The following ATP6V0A4 variants were observed in gnomAD, a reference collection of about 807,000 sequenced individuals.
ATP6V0A4 encodes V-type proton ATPase 116 kDa subunit a 4.
A neutral mutation model predicts 107.3 loss-of-function variants in ATP6V0A4; 86 were observed. That is an observed-to-expected ratio of 0.80 (90% CI 0.67 to 0.96). ATP6V0A4 has a LOEUF of 0.96. ATP6V0A4 is among the 40% of genes least tolerant of loss of function. ATP6V0A4 has a pLI of 0.00. For synonymous variants in ATP6V0A4, 353 were observed against 381.4 expected, an observed-to-expected ratio of 0.93 and a Z score of 0.87; for missense variants, 908 against 1,045.6, an observed-to-expected ratio of 0.87 and a Z score of 1.81.
At chr7:138,780,916 A>AT (rs955648283) in intron 2 of ATP6V0A4, among the ~76,000 whole-genome samples, 2 of 152,142 alleles carry the variant, frequency 1.3e-5, no homozygotes, top group African/African-American at 4.8e-5. Context: ...AAAAGAAAAA[A>AT]TAAAAAAAAA....
intron 7 of ATP6V0A4, 118 bp from the exon 8 acceptor site, chr7:138,759,996 A>C: frequency 6.4e-7 from 1 of 1,557,484 alleles, no homozygotes. Context: ...TGTGAGCAGG[A>C]GGGACCCCGA....
intron 20 of ATP6V0A4, among the ~76,000 whole-genome samples, chr7:138,715,048 G>A (rs932607464): frequency 2.0e-5 from 3 of 152,258 alleles, no homozygotes; most frequent in African/African-American, 7.2e-5. Flanking sequence ...AAGAGGAGCC[G>A]CAAGCCACAG....
chr7:138,776,778 C>G (rs1807677372), intron 2 of ATP6V0A4, among the ~76,000 whole-genome samples: 1 of 152,342 alleles, frequency 6.6e-6, no homozygotes, highest in East Asian at 1.9e-4. Flanking sequence ...ATTTACCATG[C>G]GTGACCTTGG....
chr7:138,756,407 A>G (rs540682185), intron 9 of ATP6V0A4, 51 bp downstream of exon 9: 1 of 1,611,904 alleles, frequency 6.2e-7, no homozygotes, highest in Non-Finnish European at 8.5e-7. Context: ...ACATCTCTTT[A>G]TCTAATCCTG....
chr7:138,785,513 GC>G (rs1200014568), intron 2 of ATP6V0A4, among the ~76,000 whole-genome samples: 2 of 151,926 alleles, frequency 1.3e-5, no homozygotes, highest in South Asian at 4.2e-4. Context: ...CTGACCTCAA[GC>G]AATCCACCTG....
intron 10 of ATP6V0A4, among the ~76,000 whole-genome samples, chr7:138,753,567 A>G (rs575174491): frequency 1.8e-4 from 27 of 152,356 alleles, no homozygotes; most frequent in Admixed American, 5.9e-4. Context: ...GAATGAATGA[A>G]GGAATGAATG....
At chr7:138,794,115 G>A (rs1042813902) in intron 1 of ATP6V0A4, among the ~76,000 whole-genome samples, 3 of 152,078 alleles carry the variant, frequency 2.0e-5, no homozygotes, top group African/African-American at 4.8e-5. Context: ...TGCTGCTCAG[G>A]TCCACATCTA....
rs1229114158 is a variant in ATP6V0A4, at chr7:138,759,842, A to G, written c.549T>C (p.Ala183=). The change falls in exon 8 of 22, where the codon GCT becomes GCC. Residue 183 remains alanine, a synonymous_variant. Coordinates refer to ENST00000310018, the MANE Select transcript of ATP6V0A4 (RefSeq NM_020632.3). ...IAGVINRERM[A]SFERLLWRIC... is the part of the protein sequence containing the mutation. Reference sequence around the variant, plus strand: ...TTCGCCACAGTAACCGCTCAAAGGAAGCCATCCTCTCCCTGTTGATCACAC... The same window carrying G: ...TTCGCCACAGTAACCGCTCAAAGGAGGCCATCCTCTCCCTGTTGATCACAC... 6.2e-6 allele frequency: 10 copies of G among 1,614,018 alleles called. No individual in the cohort carries two copies. In the East Asian group the frequency reaches 2.2e-4, roughly 36 times the overall value.
At position 138,747,416 on chromosome 7, in the gene ATP6V0A4, G is replaced by A; in HGVS notation, c.1320+9C>T. 1 of 1,613,810 alleles carries A rather than the reference G, an allele frequency of 6.2e-7. No individual in the cohort carries two copies. Among genetic ancestry groups the A allele is most frequent in the Non-Finnish European group, 8.5e-7 (1 of 1,179,778 alleles). ...ATGAATCAGGGCAAGACGGTCAATG[G>A]ACACTCACCTCATTGTCTGTCTTCT... On this transcript the variant is annotated intron_variant, in intron 13 of 21. Coordinates refer to ENST00000310018, the MANE Select transcript of ATP6V0A4 (RefSeq NM_020632.3).
rs2117343397 is a variant in ATP6V0A4, at chr7:138,773,412, C to T, written c.-17-2148G>A. On this transcript the variant is annotated intron_variant, in intron 2 of 21. Transcript: ENST00000310018. The surrounding 1 kb of genome is among the most constrained non-coding windows in gnomAD (Gnocchi z 5.4). ...AGGATCTTCTTCCTCCACAAGCCTT[C>T]CCTGACACCTCCAGCTCCCTCAAGG... Among the ~76,000 whole-genome samples, 1 of 152,314 alleles carries T rather than the reference C, an allele frequency of 6.6e-6. No homozygotes were observed. Among genetic ancestry groups the T allele is most frequent in the Non-Finnish European group, 1.5e-5 (1 of 68,030 alleles).
rs6467797 is a variant in ATP6V0A4 at position 138,745,106 on chromosome 7, T to C, written c.1478+17A>G. ...CTGGATGGCCAGCGACTACACCATC[T>C]CTGTCTGTCAACTCACTTCCATGTG... On this transcript the variant is annotated intron_variant, in intron 14 of 21. Transcript: ENST00000310018. 295,527 of 1,603,716 alleles carry C rather than the reference T, an allele frequency of 0.18. 31,139 individuals are homozygous for C. The highest frequency in any genetic ancestry group is 0.46 in the African/African-American group (34,403 of 74,686).
intron 20 of ATP6V0A4, among the ~76,000 whole-genome samples, chr7:138,715,372 TG>T (rs759905489): frequency 2.9e-4 from 44 of 152,190 alleles, no homozygotes; most frequent in Admixed American, 1.9e-3. Flanking sequence ...AGCTAATTTT[TG>T]TATTTTCAGT....
At chr7:138,775,714 G>A (rs937893163) in intron 2 of ATP6V0A4, among the ~76,000 whole-genome samples, 2 of 145,190 alleles carry the variant, frequency 1.4e-5, no homozygotes, top group East Asian at 4.1e-4. Context: ...GCAGTGGCGC[G>A]ATCTCGGCTC....
chr7:138,797,416 C>G (rs1214154501), intron 1 of ATP6V0A4, among the ~76,000 whole-genome samples: 4 of 151,842 alleles, frequency 2.6e-5, no homozygotes, highest in African/African-American at 9.7e-5. Context: ...TGGGGTTTCA[C>G]CATTTTGGCC....
chr7:138,755,640 A>G (rs1806472886), intron 10 of ATP6V0A4, 49 bp downstream of exon 10: 1 of 1,610,234 alleles, frequency 6.2e-7, no homozygotes, highest in Non-Finnish European at 8.5e-7. Context: ...CAGCAGAGGC[A>G]GCCCTCCTGC....
At chr7:138,765,746 T>TTGTTTG in intron 5 of ATP6V0A4, among the ~76,000 whole-genome samples, 1 of 149,314 alleles carries the variant, frequency 6.7e-6, no homozygotes, top group Middle Eastern at 3.4e-3. Flanking sequence ...GTTTTTGTTT[T>TTGTTTG]TGTTTTTGTT....
chr7:138,779,846 T>A (rs1807840338), intron 2 of ATP6V0A4, among the ~76,000 whole-genome samples: 1 of 152,202 alleles, frequency 6.6e-6, no homozygotes, highest in Non-Finnish European at 1.5e-5. Context: ...TTGCTTAATA[T>A]GAGTATATAT....
At chr7:138,726,093 C>T (rs979663131) in intron 18 of ATP6V0A4, among the ~76,000 whole-genome samples, 6 of 151,812 alleles carry the variant, frequency 4.0e-5, no homozygotes, top group African/African-American at 1.5e-4. Flanking sequence ...GGGCTCAGGC[C>T]ATTCTCCTGC....
At chr7:138,762,470 T>C (rs1455764192) in intron 6 of ATP6V0A4, 36 bp from the exon 7 acceptor site, 2 of 1,612,674 alleles carry the variant, frequency 1.2e-6, no homozygotes, top group African/African-American at 2.7e-5. Context: ...CATTTAAATA[T>C]ATTTAGGGAA....
Sources: allele counts gnomAD v4.1 joint callset (sites outside exome capture counted in the v4.1 genomes callset), GRCh38; gene constraint gnomAD v4.1.1; non-coding constraint Gnocchi (gnomAD v3.1); transcripts MANE v1.5; gene names NCBI Gene and HGNC (gene_info 2026-07-23, HGNC 2026-07-21).